PPM1B: variants seen among roughly 807,000 people sequenced by gnomAD.
PPM1B encodes protein phosphatase, Mg2+/Mn2+ dependent 1B.
In PPM1B, 22 loss-of-function variants were observed where a neutral mutation model predicts 43.0. The ratio of observed to expected loss-of-function variants is 0.51; its 90% CI spans 0.37 to 0.73. The LOEUF (loss-of-function observed/expected upper bound fraction) is 0.73, where lower values mean the gene tolerates loss of function less well. Ranked by LOEUF, PPM1B falls within the 30% of genes least tolerant of loss-of-function variation. The pLI is 0.00. For synonymous variants in PPM1B, 217 were observed against 197.9 expected, an observed-to-expected ratio of 1.10 and a Z score of -0.81; for missense variants, 632 against 584.2, an observed-to-expected ratio of 1.08 and a Z score of -0.84.
At position 44,230,675 on chromosome 2, in the gene PPM1B, C is replaced by A. The variant is rs529832584; in HGVS notation, c.1397C>A (p.Ser466Tyr). 6 of 1,613,526 alleles carry A rather than the reference C, an allele frequency of 3.7e-6. No individual in the cohort carries two copies. The South Asian group carries it at 6.6e-5, about 18-fold the overall frequency. ...SESGLAELDS[S>Y]NEDAGTKMSG... is the part of the protein sequence containing the mutation. The stretch of plus-strand genomic sequence containing the variant: ...AGTGGTCTTGCTGAATTAGACAGCT[C>A]TAATGAAGATGCAGGGACAAAGATG... The change falls in exon 6 of 6, where the codon TCT becomes TAT. Residue 466 changes from serine (S) to tyrosine (Y), a missense_variant. Ser to Tyr is a moderately radical substitution (Grantham distance 144, BLOSUM62 -2). Around this residue, in one of 3 missense-constraint regions of PPM1B, gnomAD observed 392 missense variants for 302.7 expected, o/e 1.29. Coordinates refer to ENST00000282412, the MANE Select transcript of PPM1B (RefSeq NM_002706.6).
intron 1 of PPM1B, among the ~76,000 whole-genome samples, chr2:44,192,190 G>GGTATGGTATTGTATTGTATTGTATT: frequency 7.0e-6 from 1 of 143,642 alleles, no homozygotes; most frequent in South Asian, 2.3e-4. Flanking sequence ...GTTATGTTAT[G>GGTATGGTATTGTATTGTATTGTATT]GTATTGTATT....
At chr2:44,181,211 A>G (rs1488708590) in intron 1 of PPM1B, among the ~76,000 whole-genome samples, 1 of 152,136 alleles carries the variant, frequency 6.6e-6, no homozygotes, top group African/African-American at 2.4e-5. Context: ...GGCCTCCAGA[A>G]GTGCTGGGAT....
chr2:44,216,338 C>T (rs1227903996), intron 3 of PPM1B, among the ~76,000 whole-genome samples: 3 of 152,068 alleles, frequency 2.0e-5, no homozygotes, highest in Non-Finnish European at 4.4e-5. Flanking sequence ...TAATATTCCA[C>T]AGCACACAGG....
chr2:44,218,656 G>GA, intron 5 of PPM1B, 119 bp downstream of exon 5: 1 of 677,410 alleles, frequency 1.5e-6, no homozygotes, highest in Non-Finnish European at 2.4e-6. Flanking sequence ...AATTACTACT[G>GA]CTTTTCATTT....
intron 3 of PPM1B, among the ~76,000 whole-genome samples, chr2:44,211,118 A>T (rs893695568): frequency 2.6e-5 from 4 of 152,206 alleles, no homozygotes; most frequent in African/African-American, 9.6e-5. Context: ...CCTGGATGAC[A>T]GAGCAAGACT....
rs1019159698 is a variant in PPM1B, at chr2:44,218,068, C to G, written c.1066C>G (p.Leu356Val). The change falls in exon 4 of 6, where the codon CTT (leucine) becomes GTT (valine). Residue 356 changes from leucine to valine, a missense_variant. Leu to Val is a conservative substitution (Grantham distance 32, BLOSUM62 1). Coordinates refer to ENST00000282412, the MANE Select transcript of PPM1B (RefSeq NM_002706.6). ...CCCAAATTTGCCTCCTGGGGGAGGT[C>G]TTGCTGGCAAGTAAGTAGAACAAAA... ...NIPNLPPGGG[L>V]AGKRNVIEAV... The G allele has an allele frequency of 3.1e-6, 5 of 1,609,904 alleles. No homozygotes were observed. In the African/African-American group the frequency reaches 5.4e-5, roughly 17 times the overall value.
At chr2:44,178,686 G>A (rs1336140286) in intron 1 of PPM1B, among the ~76,000 whole-genome samples, 12 of 151,736 alleles carry the variant, frequency 7.9e-5, no homozygotes, top group Non-Finnish European at 2.9e-5. Flanking sequence ...GGCCAGGGTG[G>A]TCTGAACTCC....
chr2:44,199,593 T>C lies in PPM1B; in HGVS notation c.-14-1593T>C, dbSNP rs565334813. On this transcript the variant is annotated intron_variant, in intron 1 of 5. Coordinates refer to ENST00000282412, the MANE Select transcript of PPM1B (RefSeq NM_002706.6). The stretch of plus-strand genomic sequence containing the variant: ...GAAATAGCCTATACAAGCAAGCATA[T>C]AAAAATGTACTTAGAACTAGGCTTT... Among the ~76,000 whole-genome samples, 14 of 152,284 alleles carry C rather than the reference T, an allele frequency of 9.2e-5. No homozygotes were observed. In the South Asian group the frequency reaches 2.9e-3, roughly 32 times the overall value.
At chr2:44,216,711 A>G (rs955278042) in intron 3 of PPM1B, among the ~76,000 whole-genome samples, 2 of 151,530 alleles carry the variant, frequency 1.3e-5, no homozygotes, top group African/African-American at 4.9e-5. Flanking sequence ...GTGGATCACG[A>G]GGTCAGGAAT....
intron 1 of PPM1B, among the ~76,000 whole-genome samples, chr2:44,190,346 A>G (rs757245436): frequency 2.0e-5 from 3 of 151,914 alleles, no homozygotes; most frequent in African/African-American, 7.3e-5. Context: ...TTTAGTAGAG[A>G]TGGAGTTTCA....
chr2:44,219,346 G>A (rs1669868652), intron 5 of PPM1B: 1 of 152,008 alleles, frequency 6.6e-6, no homozygotes, highest in Non-Finnish European at 1.5e-5. Flanking sequence ...CTGATTGGGA[G>A]GAAGAGTCCA....
At chr2:44,205,429 G>A (rs1363657721) in intron 2 of PPM1B, among the ~76,000 whole-genome samples, 1 of 146,972 alleles carries the variant, frequency 6.8e-6, no homozygotes, top group Non-Finnish European at 1.5e-5. Flanking sequence ...TTTTCCCCAA[G>A]GGAAACATTA....
At chr2:44,243,452 A>T (rs1670793787) in intron 5 of PPM1B, among the ~76,000 whole-genome samples, 1 of 152,180 alleles carries the variant, frequency 6.6e-6, no homozygotes, top group Admixed American at 6.5e-5. Flanking sequence ...GCATACAAAG[A>T]CAATTTTTTA....
downstream of PPM1B, chr2:44,234,632 G>A: frequency 1.0e-6 from 1 of 984,384 alleles, no homozygotes. Flanking sequence ...CATATTCAGT[G>A]TTGACTCATC....
chr2:44,177,417 C>CCT (rs1667630338), intron 1 of PPM1B, among the ~76,000 whole-genome samples: 1 of 64,780 alleles, frequency 1.5e-5, no homozygotes, highest in Non-Finnish European at 3.2e-5. Context: ...AGTGAAATAA[C>CCT]CTTTTTTTTT....
At chr2:44,203,252 C>G (rs928445951) in intron 2 of PPM1B, among the ~76,000 whole-genome samples, 3 of 152,082 alleles carry the variant, frequency 2.0e-5, no homozygotes, top group South Asian at 2.1e-4. Context: ...ACCTCTAGCT[C>G]CTCTGATTTT....
chr2:44,235,764 T>A (rs181715226), downstream of PPM1B, among the ~76,000 whole-genome samples: 24 of 152,040 alleles, frequency 1.6e-4, no homozygotes, highest in African/African-American at 5.8e-4. Flanking sequence ...TCTAGCATGG[T>A]GTCACATGCC....
Position 44,209,237 on chromosome 2 carries a change from C to G in PPM1B, c.874C>G (p.Leu292Val). The G allele has an allele frequency of 1.2e-6, 2 of 1,611,018 alleles. No homozygotes were observed. Among genetic ancestry groups the G allele is most frequent in the African/African-American group, 2.7e-5 (2 of 74,672 alleles). Residue 292 changes from leucine (L) to valine (V), a missense_variant, in exon 3 of 6, where the codon CTA becomes GTA. Coordinates refer to ENST00000282412, the MANE Select transcript of PPM1B (RefSeq NM_002706.6). ...AAGTCGAGATAACATGAGTATTGTA[C>G]TAGTTTGCTTTTCAAATGCTCCCAA... The part of the protein sequence containing the change: ...KGSRDNMSIV[L>V]VCFSNAPKVS...
At chr2:44,190,655 G>C (rs935665360) in intron 1 of PPM1B, among the ~76,000 whole-genome samples, 1 of 152,058 alleles carries the variant, frequency 6.6e-6, no homozygotes, top group East Asian at 1.9e-4. Flanking sequence ...TCTTTTATTT[G>C]TAAGCGTTAG....
Sources: allele counts gnomAD v4.1 joint callset (sites outside exome capture counted in the v4.1 genomes callset), GRCh38; gene constraint gnomAD v4.1.1; regional missense constraint gnomAD v4.1.1; transcripts MANE v1.5; gene names NCBI Gene and HGNC (gene_info 2026-07-23, HGNC 2026-07-21).